Variants in SYT7 observed in about 807,000 individuals in gnomAD.
SYT7 encodes the protein synaptotagmin-7.
In SYT7, 29 loss-of-function variants were observed where a neutral mutation model predicts 75.1. That is an observed-to-expected ratio of 0.39 (90% CI 0.29 to 0.53). The LOEUF (loss-of-function observed/expected upper bound fraction) is 0.53. Ranked by LOEUF, SYT7 falls within the 20% of genes least tolerant of loss-of-function variation. The pLI, the probability that SYT7 is intolerant of heterozygous loss-of-function variation, is 0.77. For missense variants in SYT7, 693 were observed against 953.2 expected (o/e 0.73, Z 3.59); for synonymous variants, 376 against 401.7 (o/e 0.94, Z 0.76).
chr11:61,558,255 G>A (rs1170508926), intron 1 of SYT7, among the ~76,000 whole-genome samples: 1 of 152,002 alleles, frequency 6.6e-6, no homozygotes, highest in Non-Finnish European at 1.5e-5. Flanking sequence ...TCAGGAATTC[G>A]AGGCCAACAT....
intron 1 of SYT7, among the ~76,000 whole-genome samples, chr11:61,577,035 T>A (rs2064101893): frequency 6.6e-6 from 1 of 152,048 alleles, no homozygotes; most frequent in Non-Finnish European, 1.5e-5. Flanking sequence ...CCCTCCCCAG[T>A]ATGAGGAGGG....
At chr11:61,528,676 T>C (rs2062606566) in intron 8 of SYT7, among the ~76,000 whole-genome samples, 1 of 152,124 alleles carries the variant, frequency 6.6e-6, no homozygotes, top group South Asian at 2.1e-4. Context: ...CTTTGGAAAG[T>C]GACTCTCTAG....
In SYT7 at chr11:61,556,109, T is replaced by C; in HGVS notation, c.130A>G (p.Lys44Glu). 2 of 1,613,610 alleles carry C rather than the reference T, an allele frequency of 1.2e-6. No homozygotes were observed. The highest frequency in any genetic ancestry group is 1.7e-6 in the Non-Finnish European group (2 of 1,179,806). The change falls in exon 2 of 13, where the codon AAA becomes GAA. Residue 44 changes from lysine to glutamate, a missense_variant. By Grantham distance (56) the Lys-to-Glu change is moderately conservative (BLOSUM62 1). Coordinates refer to ENST00000539008, the MANE Select transcript of SYT7 (RefSeq NM_001365809.2). ...LCGLCHWCQRKLGKRYKNSLE... is the reference protein window; with the variant it reads ...LCGLCHWCQRELGKRYKNSLE... ...GGGGCCCTCAGGAGCCTCACCAGTT[T>C]GCGCTGACACCAGTGGCAGAGGCCG...
chr11:61,547,861 A>G (rs2063238208), intron 3 of SYT7, among the ~76,000 whole-genome samples: 1 of 152,190 alleles, frequency 6.6e-6, no homozygotes, highest in African/African-American at 2.4e-5. Flanking sequence ...CTCTCACTGC[A>G]GAATAAAAGC....
In SYT7 at chr11:61,551,391, CCTT is replaced by C; in HGVS notation, c.205_207del (p.Lys69del). The C allele has an allele frequency of 3.1e-6, 5 of 1,613,808 alleles. No homozygotes were observed. The highest frequency in any genetic ancestry group is 4.2e-6 in the Non-Finnish European group (5 of 1,179,932). On this transcript the variant is annotated inframe_deletion, in exon 3 of 13. Coordinates refer to ENST00000539008, the MANE Select transcript of SYT7 (RefSeq NM_001365809.2). The surrounding 1 kb of genome is among the most constrained non-coding windows in gnomAD (Gnocchi z 5.3). Reference sequence around the variant, plus strand: ...TAGCAGCCTGGCACCTACTTGATAGCCTTCTTCTCACTGCGCCCACGCCCTGAG... The same window carrying C: ...TAGCAGCCTGGCACCTACTTGATAGCCTTCTCACTGCGCCCACGCCCTGAG...
chr11:61,528,352 C>T (rs980798986), intron 8 of SYT7, among the ~76,000 whole-genome samples, 167 bp from the exon 9 acceptor site: 8 of 152,146 alleles, frequency 5.3e-5, no homozygotes, highest in African/African-American at 1.9e-4. Flanking sequence ...CAGGGTCTCC[C>T]AGGAGGGGAG....
At chr11:61,547,510 G>A (rs1290759871) in intron 3 of SYT7, among the ~76,000 whole-genome samples, 2 of 152,124 alleles carry the variant, frequency 1.3e-5, no homozygotes, top group Non-Finnish European at 2.9e-5. Flanking sequence ...ACACGCACAC[G>A]CACACATGTG....
chr11:61,572,039 C>T (rs541766327), intron 1 of SYT7, among the ~76,000 whole-genome samples: 3 of 152,318 alleles, frequency 2.0e-5, no homozygotes, highest in African/African-American at 7.2e-5. Context: ...TATTTTTAGG[C>T]CTCAGCTGAC....
rs530701232 is a variant in SYT7 at position 61,567,950 on chromosome 11, C to G, written c.32-11743G>C. On this transcript the variant is annotated intron_variant, in intron 1 of 12. Transcript: ENST00000539008. ...TGCAGCCTCAACCCAGCTGGCCAGA[C>G]CTGGGGCAGGCAAAACTTCCTGCTC... Among the ~76,000 whole-genome samples, 15 of 152,368 alleles carry G rather than the reference C, an allele frequency of 9.8e-5. No individual in the cohort carries two copies. In the South Asian group the frequency reaches 2.5e-3, roughly 25 times the overall value.
chr11:61,541,276 C>T lies in SYT7; in HGVS notation c.941+935G>A, dbSNP rs927021263. The T allele has an allele frequency of 3.2e-5, 32 of 985,308 alleles. No homozygotes were observed. In the South Asian group the frequency reaches 3.3e-4, roughly 10 times the overall value. The allele number at this position is 985,308 out of a possible 1,614,324, so 61.0% of individuals were successfully genotyped here. On this transcript the variant is annotated intron_variant, in intron 6 of 12. Coordinates refer to ENST00000539008, the MANE Select transcript of SYT7 (RefSeq NM_001365809.2). ...AAAGTGCTCCCAGGGAAGACCTGGG[C>T]GATGGGAACAATCCCCAGGGCCTGG...
chr11:61,522,409 C>G (rs2062370263), intron 12 of SYT7, among the ~76,000 whole-genome samples: 1 of 152,028 alleles, frequency 6.6e-6, no homozygotes, highest in Non-Finnish European at 1.5e-5. Context: ...AGGCTGGTCT[C>G]AAACTCCCGA....
rs1364925956 is a variant in SYT7 at position 61,523,423 on chromosome 11, C to A, written c.1757-149G>T. 5.5e-6 allele frequency: 4 copies of A among 730,758 alleles called. No individual in the cohort carries two copies. The highest frequency in any genetic ancestry group is 9.0e-6 in the Non-Finnish European group (4 of 442,012). 45.3% of individuals were successfully genotyped at this position (730,758 alleles called of 1,614,324 possible). ...AGACCCAGGCAAGAACAAGAGGGAC[C>A]TGGGAGAATCAGCAGATGGACCTTA... On this transcript the variant is annotated intron_variant, in intron 11 of 12. Transcript: ENST00000539008. The surrounding 1 kb of genome is among the most constrained non-coding windows in gnomAD (Gnocchi z 5.0).
At position 61,523,281 on chromosome 11, in the gene SYT7, G is replaced by T. The variant is rs777019553; in HGVS notation, c.1757-7C>A. 6 of 1,614,060 alleles carry T rather than the reference G, an allele frequency of 3.7e-6. No homozygotes were observed. In the Admixed American group the frequency reaches 1.0e-4, roughly 27 times the overall value. On this transcript the variant is annotated splice_polypyrimidine_tract_variant and splice_region_variant and intron_variant, in intron 11 of 12. Transcript: ENST00000539008. This position sits in a 1 kb window ranked among gnomAD's most constrained non-coding sequence, Gnocchi z 5.0. Reference sequence around the variant, plus strand: ...CATACCTTCACGTAGGGGTCTAGGGGAGGGAGTGGGGAAGGGTTAGAGGGA... The same window carrying T: ...CATACCTTCACGTAGGGGTCTAGGGTAGGGAGTGGGGAAGGGTTAGAGGGA...
Position 61,551,397 on chromosome 11 carries a change from T to C in SYT7, c.202A>G (p.Lys68Glu), listed in dbSNP as rs555163370. ...TPDSGRGRSEKKAINDLDRDF... is the reference protein window; with the variant it reads ...TPDSGRGRSEEKAINDLDRDF... ...CCTGGCACCTACTTGATAGCCTTCT[T>C]CTCACTGCGCCCACGCCCTGAGTCT... The change falls in exon 3 of 13, where the codon AAG (lysine) becomes GAG (glutamate). Residue 68 changes from lysine to glutamate, a missense_variant. Transcript: ENST00000539008. This position sits in a 1 kb window ranked among gnomAD's most constrained non-coding sequence, Gnocchi z 5.3. 6.2e-7 allele frequency: 1 copy of C among 1,613,854 alleles called. No homozygotes were observed. Among genetic ancestry groups the C allele is most frequent in the Admixed American group, 1.7e-5 (1 of 60,008 alleles).
At chr11:61,518,854 GCTGTGACAAC>G in intron 12 of SYT7, 123 bp from the exon 13 acceptor site, 4 of 597,354 alleles carry the variant, frequency 6.7e-6, no homozygotes, top group South Asian at 6.7e-5. Context: ...GCCTCCACAT[GCTGTGACAAC>G]CTACCCCACA....
chr11:61,552,707 TC>T (rs2063388265), intron 2 of SYT7, among the ~76,000 whole-genome samples: 1 of 152,024 alleles, frequency 6.6e-6, no homozygotes, highest in Non-Finnish European at 1.5e-5. Flanking sequence ...GCAGCAAAGC[TC>T]CCTCATCCCA....
intron 8 of SYT7, 105 bp from the exon 9 acceptor site, chr11:61,528,290 C>T: frequency 1.4e-6 from 2 of 1,389,730 alleles, no homozygotes; most frequent in East Asian, 2.3e-5. Context: ...TGGCCCAGCC[C>T]ACACTCACAT....
At chr11:61,519,221 A>G (rs1211643418) in intron 12 of SYT7, among the ~76,000 whole-genome samples, 5 of 152,382 alleles carry the variant, frequency 3.3e-5, no homozygotes, top group African/African-American at 1.2e-4. Flanking sequence ...CTAAGGTACG[A>G]AGAGTTAAGA....
intron 1 of SYT7, among the ~76,000 whole-genome samples, chr11:61,572,850 T>C (rs2063959711): frequency 6.6e-6 from 1 of 151,944 alleles, no homozygotes; most frequent in Non-Finnish European, 1.5e-5. Context: ...CCAACTAAGG[T>C]GGGTAGTCAA....
Sources: allele counts gnomAD v4.1 joint callset (sites outside exome capture counted in the v4.1 genomes callset), GRCh38; gene constraint gnomAD v4.1.1; non-coding constraint Gnocchi (gnomAD v3.1); transcripts MANE v1.5; gene names NCBI Gene and HGNC (gene_info 2026-07-23, HGNC 2026-07-21).